MCPH1: variants seen among roughly 807,000 people sequenced by gnomAD.
MCPH1 encodes microcephalin 1.
MCPH1 carries 104 observed loss-of-function variants against 84.5 expected under a neutral mutation model. The observed-to-expected ratio is 1.23, with a 90% confidence interval of 1.05 to 1.45. The LOEUF (loss-of-function observed/expected upper bound fraction) is 1.45, where lower values mean the gene tolerates loss of function less well. MCPH1 is among the 40% of genes most tolerant of loss of function. MCPH1 has a pLI of 0.00. For synonymous variants in MCPH1, 514 were observed against 366.8 expected, an observed-to-expected ratio of 1.40 and a Z score of -4.58; for missense variants, 1,498 against 1,005.7, an observed-to-expected ratio of 1.49 and a Z score of -6.62.
chr8:6,576,956 C>A (rs908638975), intron 12 of MCPH1, among the ~76,000 whole-genome samples: 1 of 152,138 alleles, frequency 6.6e-6, no homozygotes, highest in East Asian at 1.9e-4. Context: ...ATCTGAGAGA[C>A]GCAGGGCCCT....
intron 8 of MCPH1, chr8:6,446,643 A>G (rs1000811456): frequency 1.0e-6 from 1 of 982,068 alleles, no homozygotes; most frequent in Admixed American, 6.1e-5. Context: ...TTAATATAAA[A>G]CAATAGATGT....
intron 4 of MCPH1, among the ~76,000 whole-genome samples, chr8:6,434,283 T>C (rs946983159): frequency 2.6e-5 from 4 of 152,224 alleles, no homozygotes; most frequent in African/African-American, 9.6e-5. Context: ...GAGTGTCTTC[T>C]TGTATACTGC....
intron 12 of MCPH1, among the ~76,000 whole-genome samples, chr8:6,573,325 T>C (rs141667800): frequency 1.2e-3 from 179 of 152,158 alleles, no homozygotes; most frequent in Admixed American, 3.3e-3. Context: ...TTAGATATTA[T>C]AGTGGCCTGT....
At chr8:6,534,981 TC>T (rs1820229762) in intron 12 of MCPH1, among the ~76,000 whole-genome samples, 1 of 152,192 alleles carries the variant, frequency 6.6e-6, no homozygotes, top group African/African-American at 2.4e-5. Flanking sequence ...TCTTAGTTAC[TC>T]CTCACAGCAC....
At position 6,445,287 on chromosome 8, in the gene MCPH1, G is replaced by A. The variant is rs1270817487; in HGVS notation, c.1565G>A (p.Gly522Glu). ...QAGKEDACPE[G>E]NGFSYTIEDP... ...GGGAAAGAAGACGCATGCCCAGAGG[G>A]AAATGGCTTTTCTTACACCATTGAG... The change falls in exon 8 of 14, where the codon GGA (glycine) becomes GAA (glutamate). Residue 522 changes from glycine to glutamate, a missense_variant. Gly to Glu is a moderately conservative substitution (Grantham distance 98, BLOSUM62 -2). Transcript: ENST00000344683. 1 of 1,614,106 alleles carries A rather than the reference G, an allele frequency of 6.2e-7. No individual in the cohort carries two copies. Among genetic ancestry groups the A allele is most frequent in the African/African-American group, 1.3e-5 (1 of 74,922 alleles).
chr8:6,544,644 G>A (rs780681621), intron 12 of MCPH1, among the ~76,000 whole-genome samples: 9 of 152,136 alleles, frequency 5.9e-5, no homozygotes, highest in African/African-American at 1.7e-4. Context: ...GAAATGAAGC[G>A]CAAGCACATA....
Position 6,520,037 on chromosome 8 carries a change from G to A in MCPH1, c.2214+20108G>A, listed in dbSNP as rs2922899. 55 of 1,600,078 alleles carry A rather than the reference G, an allele frequency of 3.4e-5. No individual in the cohort carries two copies. The East Asian group carries it at 1.2e-3, about 34-fold the overall frequency. ...GGCATTTAAACGGAGTTCATGAAAAGACAAAGACTTGTTATTTCAAGAGCC... is the reference window on the plus strand; with the variant it reads ...GGCATTTAAACGGAGTTCATGAAAAAACAAAGACTTGTTATTTCAAGAGCC... On this transcript the variant is annotated intron_variant, in intron 12 of 13. Coordinates refer to ENST00000344683, the MANE Select transcript of MCPH1 (RefSeq NM_024596.5).
At chr8:6,510,076 A>C (rs930501596) in intron 12 of MCPH1, among the ~76,000 whole-genome samples, 9 of 152,258 alleles carry the variant, frequency 5.9e-5, no homozygotes, top group African/African-American at 2.2e-4. Context: ...AATTGCAAAA[A>C]TACGGCTTAC....
chr8:6,410,888 G>C (rs964716936), intron 2 of MCPH1, among the ~76,000 whole-genome samples: 2 of 152,042 alleles, frequency 1.3e-5, no homozygotes, highest in East Asian at 3.9e-4. Flanking sequence ...TCAGGAGTTC[G>C]AGACCAGCCT....
At chr8:6,427,167 A>T (rs995016085) in intron 3 of MCPH1, among the ~76,000 whole-genome samples, 1 of 152,212 alleles carries the variant, frequency 6.6e-6, no homozygotes, top group African/African-American at 2.4e-5. Context: ...ATGGTATAAA[A>T]GATAAAATAT....
chr8:6,436,966 A>G (rs1378830315), intron 5 of MCPH1, among the ~76,000 whole-genome samples: 1 of 151,556 alleles, frequency 6.6e-6, no homozygotes, highest in East Asian at 1.9e-4. Flanking sequence ...TGAGACTCCA[A>G]CTCAAAAAAA....
At chr8:6,623,967 G>A (rs1831781293) in intron 13 of MCPH1, among the ~76,000 whole-genome samples, 1 of 152,206 alleles carries the variant, frequency 6.6e-6, no homozygotes, top group African/African-American at 2.4e-5. Context: ...TCTTTTTGGA[G>A]TTTGCAAAGC....
At chr8:6,446,869 A>G (rs892343053) in intron 8 of MCPH1, 13 of 985,178 alleles carry the variant, frequency 1.3e-5, no homozygotes, top group Non-Finnish European at 1.4e-5. Flanking sequence ...GTTATGTTCT[A>G]GAACACTGCC....
In MCPH1 at chr8:6,620,641, TACGCAAAACAAA is replaced by T. The variant is rs1222374365; in HGVS notation, c.2215-809_2215-798del. 3.9e-5 allele frequency among the ~76,000 whole-genome samples: 6 copies of T among 152,238 alleles called. No homozygotes were observed. The East Asian group carries it at 9.7e-4, about 25-fold the overall frequency. On this transcript the variant is annotated intron_variant, in intron 12 of 13. Transcript: ENST00000344683. Reference sequence around the variant, plus strand: ...TTGTAGGAAAAATAAGCAGGGAAAATACGCAAAACAAAACGTGGATGGCACATAACCCATAGC... The same window carrying T: ...TTGTAGGAAAAATAAGCAGGGAAAATACGTGGATGGCACATAACCCATAGC...
chr8:6,449,399 C>T (rs774381239), intron 8 of MCPH1, among the ~76,000 whole-genome samples: 7 of 152,038 alleles, frequency 4.6e-5, no homozygotes, highest in Non-Finnish European at 1.0e-4. Flanking sequence ...TTTGGGAGGC[C>T]GAGGTAGGTG....
At chr8:6,446,113 T>C (rs1804329873) in intron 8 of MCPH1, 2 of 967,976 alleles carry the variant, frequency 2.1e-6, no homozygotes, top group Non-Finnish European at 2.5e-6. Flanking sequence ...ACAAGCCTTG[T>C]TTAACTTGTA....
At chr8:6,634,977 G>A (rs3020266) in intron 13 of MCPH1, 39,934 of 152,080 alleles carry the variant, frequency 0.26, 5,562 homozygotes, top group Non-Finnish European at 0.32. Context: ...TGTTGCCAAC[G>A]CTTGCAACAC....
intron 12 of MCPH1, among the ~76,000 whole-genome samples, chr8:6,580,799 A>C (rs1827509721): frequency 6.6e-6 from 1 of 152,358 alleles, no homozygotes; most frequent in South Asian, 2.1e-4. Flanking sequence ...CATCCCTTAA[A>C]TACAAGTCTT....
At chr8:6,425,054 C>G (rs1329252212) in intron 3 of MCPH1, among the ~76,000 whole-genome samples, 1 of 152,202 alleles carries the variant, frequency 6.6e-6, no homozygotes, top group East Asian at 1.9e-4. Context: ...AGGATTGGCC[C>G]AGGTGAAGGC....
Sources: allele counts gnomAD v4.1 joint callset (sites outside exome capture counted in the v4.1 genomes callset), GRCh38; gene constraint gnomAD v4.1.1; transcripts MANE v1.5; gene names NCBI Gene and HGNC (gene_info 2026-07-23, HGNC 2026-07-21).